Variants in PGM2L1 observed in about 807,000 individuals in gnomAD.
PGM2L1 encodes the protein phosphoglucomutase 2 like 1.
In PGM2L1, 35 loss-of-function variants were observed where a neutral mutation model predicts 73.4. The observed-to-expected ratio is 0.48, with a 90% CI of 0.36 to 0.63. The LOEUF is 0.63. Ranked by LOEUF, PGM2L1 falls within the 30% of genes least tolerant of loss-of-function variation. The pLI is 0.00. For synonymous variants in PGM2L1, 225 were observed against 253.8 expected, an observed-to-expected ratio of 0.89 and a Z score of 1.08; for missense variants, 570 against 742.0, an observed-to-expected ratio of 0.77 and a Z score of 2.69.
At chr11:74,350,612 C>T (rs551937953) in intron 6 of PGM2L1, among the ~76,000 whole-genome samples, 3 of 152,274 alleles carry the variant, frequency 2.0e-5, no homozygotes, top group African/African-American at 7.2e-5. Context: ...CATGGTGGCT[C>T]ACACCTGTAA....
chr11:74,362,786 A>G (rs1862586449), intron 5 of PGM2L1, among the ~76,000 whole-genome samples: 1 of 152,218 alleles, frequency 6.6e-6, no homozygotes, highest in Non-Finnish European at 1.5e-5. Flanking sequence ...CACAATAATA[A>G]TGGGAGACTT....
intron 1 of PGM2L1, among the ~76,000 whole-genome samples, chr11:74,388,647 T>C (rs751233777): frequency 9.8e-5 from 15 of 152,330 alleles, no homozygotes; most frequent in Non-Finnish European, 1.8e-4. Flanking sequence ...CAGAGAGATA[T>C]GGTATTTTTC....
chr11:74,378,565 C>A (rs1862891350), intron 1 of PGM2L1, among the ~76,000 whole-genome samples: 1 of 152,134 alleles, frequency 6.6e-6, no homozygotes, highest in Non-Finnish European at 1.5e-5. Context: ...GTGCAGAATA[C>A]AGAAAAAAGC....
intron 5 of PGM2L1, among the ~76,000 whole-genome samples, chr11:74,358,095 C>T (rs1436033145): frequency 2.6e-5 from 4 of 152,180 alleles, no homozygotes; most frequent in Non-Finnish European, 5.9e-5. Context: ...ATGGTGGATA[C>T]GTGTCATTAT....
intron 5 of PGM2L1, among the ~76,000 whole-genome samples, chr11:74,359,274 T>C (rs764239612): frequency 2.0e-5 from 3 of 152,070 alleles, no homozygotes; most frequent in Non-Finnish European, 4.4e-5. Flanking sequence ...TCTACATTCA[T>C]TTTCTTTTTT....
At position 74,379,560 on chromosome 11, in the gene PGM2L1, C is replaced by T. The variant is rs548977416; in HGVS notation, c.112-4978G>A. Among the ~76,000 whole-genome samples, 29 of 152,220 alleles carry T rather than the reference C, an allele frequency of 1.9e-4. 1 individual carries two copies. ...AGTACAAAACCTAACAGCTTAAATA[C>T]ACTCAAAAACATGAATCGTATTGTT... On this transcript the variant is annotated intron_variant, in intron 1 of 13. Coordinates refer to ENST00000298198, the MANE Select transcript of PGM2L1 (RefSeq NM_173582.6).
At chr11:74,393,653 A>C (rs984156995) in intron 1 of PGM2L1, among the ~76,000 whole-genome samples, 70 of 152,212 alleles carry the variant, frequency 4.6e-4, no homozygotes, top group African/African-American at 1.6e-3. Flanking sequence ...GCAGACCTAC[A>C]TTCTGAGACC....
chr11:74,344,018 A>G (rs1337923226), intron 9 of PGM2L1, among the ~76,000 whole-genome samples: 1 of 151,682 alleles, frequency 6.6e-6, no homozygotes, highest in African/African-American at 2.4e-5. Context: ...CTTGTGATCC[A>G]CCTGCCTCAG....
intron 1 of PGM2L1, among the ~76,000 whole-genome samples, chr11:74,394,494 A>C (rs1287862237): frequency 6.6e-6 from 1 of 152,180 alleles, no homozygotes; most frequent in Non-Finnish European, 1.5e-5. Flanking sequence ...AAACTGCCCC[A>C]ATAAACACCT....
Position 74,335,457 on chromosome 11 carries a change from A to C in PGM2L1, c.*1195T>G, listed in dbSNP as rs1862081421. 6.6e-6 allele frequency: 1 copy of C among 152,218 alleles called. No homozygotes were observed. Among genetic ancestry groups the C allele is most frequent in the Non-Finnish European group, 1.5e-5 (1 of 68,036 alleles). 9.4% of individuals were successfully genotyped at this position (152,218 alleles called of 1,614,324 possible). A position where few individuals can be genotyped will look rare whatever the true frequency, so the allele number is the denominator to read the frequency against. On this transcript the variant is annotated 3_prime_UTR_variant, in exon 14 of 14. Coordinates refer to ENST00000298198, the MANE Select transcript of PGM2L1 (RefSeq NM_173582.6). ...TTTGTAAAAAATTATTTTCTACACTAAAAGAAGATAAATAATAGTCATGCA... is the reference window on the plus strand; with the variant it reads ...TTTGTAAAAAATTATTTTCTACACTCAAAGAAGATAAATAATAGTCATGCA...
At position 74,338,546 on chromosome 11, in the gene PGM2L1, C is replaced by G. The variant is rs1862132919; in HGVS notation, c.1688G>C (p.Cys563Ser). 4 of 1,607,190 alleles carry G rather than the reference C, an allele frequency of 2.5e-6. No homozygotes were observed. The East Asian group carries it at 8.9e-5, about 36-fold the overall frequency. The stretch of plus-strand genomic sequence containing the variant: ...TCCACTTGTCCGAAGGGTAGCAACA[C>G]AGCCATTTTGAAAAGTAAATGTAAT... ...QMITFTFQNG[C>S]VATLRTSGTE... is the part of the protein sequence containing the mutation. Residue 563 changes from cysteine to serine, a missense_variant, in exon 13 of 14, where the codon TGT becomes TCT. By Grantham distance (112) the Cys-to-Ser change is moderately radical (BLOSUM62 -1). Transcript: ENST00000298198.
At chr11:74,354,464 A>G in intron 5 of PGM2L1, 1 of 894,078 alleles carries the variant, frequency 1.1e-6, no homozygotes. Context: ...AGAGTCTCCT[A>G]AAGAGCCTGA....
At chr11:74,371,937 C>A (rs945092600) in intron 2 of PGM2L1, 120 bp from the exon 3 acceptor site, 2 of 775,556 alleles carry the variant, frequency 2.6e-6, no homozygotes, top group Non-Finnish European at 2.2e-6. Flanking sequence ...TGGCTTCTGC[C>A]TTTATGCCCA....
chr11:74,362,755 A>G (rs1171226505), intron 5 of PGM2L1, among the ~76,000 whole-genome samples: 1 of 152,110 alleles, frequency 6.6e-6, no homozygotes, highest in Non-Finnish European at 1.5e-5. Context: ...TTAGAGATCT[A>G]CAAAGAGACT....
At chr11:74,392,820 G>A (rs1863123022) in intron 1 of PGM2L1, among the ~76,000 whole-genome samples, 1 of 152,250 alleles carries the variant, frequency 6.6e-6, no homozygotes. Flanking sequence ...GATTAGAGGC[G>A]TGAGCCACTG....
At chr11:74,371,899 C>T in intron 2 of PGM2L1, 82 bp from the exon 3 acceptor site, 1 of 1,219,438 alleles carries the variant, frequency 8.2e-7, no homozygotes, top group Non-Finnish European at 1.2e-6. Context: ...TTTATGTTTG[C>T]TGTGCAGCTG....
chr11:74,342,830 G>C lies in PGM2L1; in HGVS notation c.1442+55C>G. On this transcript the variant is annotated intron_variant, in intron 11 of 13. Coordinates refer to ENST00000298198, the MANE Select transcript of PGM2L1 (RefSeq NM_173582.6). ...TCAGAAACAAATTTAGAAAACTAAG[G>C]GTAGGACAATAAAAGAAAAATCTAG... 3 of 1,503,038 alleles carry C rather than the reference G, an allele frequency of 2.0e-6. No individual in the cohort carries two copies. The Admixed American group carries it at 6.7e-5, about 34-fold the overall frequency. The allele number at this position is 1,503,038 out of a possible 1,614,324, so 93.1% of individuals were successfully genotyped here. A position where few individuals can be genotyped will look rare whatever the true frequency, so the allele number is the denominator to read the frequency against.
At chr11:74,366,917 G>T (rs1406243287) in intron 5 of PGM2L1, among the ~76,000 whole-genome samples, 2 of 152,198 alleles carry the variant, frequency 1.3e-5, no homozygotes, top group Non-Finnish European at 2.9e-5. Flanking sequence ...GTGGAGAATG[G>T]ATTGCAGGGA....
In PGM2L1 at chr11:74,363,141, G is replaced by A. The variant is rs1862593254; in HGVS notation, c.555+5351C>T. ...AACAACCTGCTCCTGAATGACTACT[G>A]GGTACATAATGAAATGAAGGCAGAA... On this transcript the variant is annotated intron_variant, in intron 5 of 13. Coordinates refer to ENST00000298198, the MANE Select transcript of PGM2L1 (RefSeq NM_173582.6). Among the ~76,000 whole-genome samples, 5 of 152,250 alleles carry A rather than the reference G, an allele frequency of 3.3e-5. No homozygotes were observed. In the East Asian group the frequency reaches 9.6e-4, roughly 29 times the overall value.
Sources: gnomAD v4.1 joint callset for allele counts (sites outside exome capture counted in the v4.1 genomes callset) on GRCh38, gnomAD v4.1.1 for gene constraint, MANE v1.5 for transcripts, NCBI Gene and HGNC (gene_info 2026-07-23, HGNC 2026-07-21) for gene names.